Variants in PDE3A observed in about 807,000 individuals in gnomAD.
PDE3A encodes cGMP-inhibited 3',5'-cyclic phosphodiesterase 3A.
PDE3A carries 43 observed loss-of-function variants against 98.3 expected under a neutral mutation model. The observed-to-expected ratio is 0.44, with a 90% CI of 0.34 to 0.56. The LOEUF (loss-of-function observed/expected upper bound fraction) is 0.56. Ranked by LOEUF, PDE3A falls within the 20% of genes least tolerant of loss-of-function variation. PDE3A has a pLI of 0.01. For synonymous variants in PDE3A, 663 were observed against 567.9 expected (o/e 1.17, Z -2.38); for missense variants, 1,427 against 1,440.7 (o/e 0.99, Z 0.15).
chr12:20,542,590 T>C (rs1282269780), intron 1 of PDE3A, among the ~76,000 whole-genome samples: 2 of 152,052 alleles, frequency 1.3e-5, no homozygotes, highest in African/African-American at 2.4e-5. Context: ...GTCTGAGAAA[T>C]TGTATGTTGT....
chr12:20,504,464 T>C (rs545449939), intron 1 of PDE3A, among the ~76,000 whole-genome samples: 2 of 152,264 alleles, frequency 1.3e-5, no homozygotes, highest in African/African-American at 2.4e-5. Flanking sequence ...CTATTACAAA[T>C]TACTGTAAAC....
At chr12:20,532,510 A>G (rs1223723689) in intron 1 of PDE3A, among the ~76,000 whole-genome samples, 4 of 152,186 alleles carry the variant, frequency 2.6e-5, no homozygotes, top group African/African-American at 7.2e-5. Context: ...CCATTTACCA[A>G]TCAGTCTGAG....
At chr12:20,390,065 G>A (rs1252713386) in intron 1 of PDE3A, among the ~76,000 whole-genome samples, 1 of 151,904 alleles carries the variant, frequency 6.6e-6, no homozygotes, top group Non-Finnish European at 1.5e-5. Flanking sequence ...CATCAGGTGT[G>A]GAGTGCATAC....
chr12:20,588,172 A>T (rs1306916137), intron 2 of PDE3A, among the ~76,000 whole-genome samples: 3 of 152,170 alleles, frequency 2.0e-5, no homozygotes, highest in African/African-American at 7.2e-5. Flanking sequence ...ACGTCAACGA[A>T]ATTGCCAGAT....
rs541683329 is a variant in PDE3A, at chr12:20,687,838, A to G, written c.*7567A>G. On this transcript the variant is annotated 3_prime_UTR_variant, in exon 16 of 16. Transcript: ENST00000359062. ...GGTTTTGGTTGGTTTGAATAATTTG[A>G]TTTGCATTTTGGTATTAAAATGTGC... 1.3e-3 allele frequency among the ~76,000 whole-genome samples: 166 copies of G among 132,330 alleles called. No homozygotes were observed. The highest frequency in any genetic ancestry group is 4.6e-3 in the African/African-American group (164 of 35,458). 86.8% of individuals were successfully genotyped at this position (132,330 alleles called of 152,430 possible). A position where few individuals can be genotyped will look rare whatever the true frequency, so the allele number is the denominator to read the frequency against.
At chr12:20,595,533 A>T (rs1273162812) in intron 2 of PDE3A, among the ~76,000 whole-genome samples, 2 of 152,198 alleles carry the variant, frequency 1.3e-5, no homozygotes, top group East Asian at 3.9e-4. Flanking sequence ...AAATTTAATG[A>T]GGCTGTCAAT....
At chr12:20,551,718 C>T in intron 1 of PDE3A, 7 of 1,613,690 alleles carry the variant, frequency 4.3e-6, no homozygotes, top group South Asian at 1.1e-5. Flanking sequence ...GCCCTGAGTG[C>T]CGGAATGATG....
At chr12:20,386,489 G>GT (rs752470952) in intron 1 of PDE3A, among the ~76,000 whole-genome samples, 4 of 150,522 alleles carry the variant, frequency 2.7e-5, no homozygotes, top group African/African-American at 9.8e-5. Flanking sequence ...GGGGTTGTTT[G>GT]TTTTTTTCTT....
At chr12:20,580,571 A>ATCATAGC (rs1943038994) in intron 2 of PDE3A, among the ~76,000 whole-genome samples, 2 of 152,214 alleles carry the variant, frequency 1.3e-5, no homozygotes, top group African/African-American at 4.8e-5. Context: ...GCATTTAGTC[A>ATCATAGC]AATTAGGACT....
intron 1 of PDE3A, among the ~76,000 whole-genome samples, chr12:20,427,241 C>T (rs942055508): frequency 5.3e-5 from 8 of 152,194 alleles, no homozygotes; most frequent in Admixed American, 2.6e-4. Flanking sequence ...GGTGTTTGTC[C>T]GTGAACTCTC....
chr12:20,663,045 C>T (rs938328547), intron 15 of PDE3A, among the ~76,000 whole-genome samples: 3 of 152,196 alleles, frequency 2.0e-5, no homozygotes, highest in African/African-American at 7.2e-5. Context: ...TCAGCCATGG[C>T]AGAAAGGGGC....
intron 1 of PDE3A, among the ~76,000 whole-genome samples, chr12:20,437,481 A>G (rs1412791146): frequency 6.6e-6 from 1 of 152,170 alleles, no homozygotes; most frequent in Non-Finnish European, 1.5e-5. Context: ...ACGGTTCTGC[A>G]GACTGGGCAA....
intron 1 of PDE3A, among the ~76,000 whole-genome samples, chr12:20,541,982 C>G (rs1941924511): frequency 6.6e-6 from 1 of 152,044 alleles, no homozygotes; most frequent in Non-Finnish European, 1.5e-5. Flanking sequence ...ATTTTTGGCA[C>G]AAATCGGCTT....
intron 15 of PDE3A, among the ~76,000 whole-genome samples, chr12:20,667,370 C>T (rs887965523): frequency 2.0e-5 from 3 of 152,126 alleles, no homozygotes; most frequent in East Asian, 1.9e-4. Context: ...TCCTATAGAA[C>T]TTCCCTTATG....
At chr12:20,669,820 T>C (rs1172771757) in intron 15 of PDE3A, among the ~76,000 whole-genome samples, 1 of 151,650 alleles carries the variant, frequency 6.6e-6, no homozygotes, top group Non-Finnish European at 1.5e-5. Flanking sequence ...GCTAACATCA[T>C]AATGACAGGA....
At chr12:20,561,085 AC>A (rs2121284482) in intron 2 of PDE3A, among the ~76,000 whole-genome samples, 1 of 129,822 alleles carries the variant, frequency 7.7e-6, no homozygotes, top group East Asian at 1.9e-4. Context: ...AGATGGTGAA[AC>A]CCCACTTCTA....
intron 1 of PDE3A, among the ~76,000 whole-genome samples, chr12:20,489,939 C>A (rs1945801185): frequency 6.6e-6 from 1 of 152,164 alleles, no homozygotes; most frequent in South Asian, 2.1e-4. Flanking sequence ...TCACTGCTGG[C>A]AGTCATTCAT....
intron 1 of PDE3A, among the ~76,000 whole-genome samples, chr12:20,401,398 G>C (rs940993736): frequency 1.3e-5 from 2 of 152,076 alleles, no homozygotes; most frequent in African/African-American, 4.8e-5. Context: ...ATACCTCCTT[G>C]TTTGGGATTC....
chr12:20,379,359 G>C (rs763711399), intron 1 of PDE3A, among the ~76,000 whole-genome samples: 1 of 151,764 alleles, frequency 6.6e-6, no homozygotes, highest in Non-Finnish European at 1.5e-5. Context: ...CCTTGTTTGG[G>C]AGTTATTATT....
Sources: gnomAD v4.1 joint callset for allele counts (sites outside exome capture counted in the v4.1 genomes callset) on GRCh38, gnomAD v4.1.1 for gene constraint, MANE v1.5 for transcripts, NCBI Gene and HGNC (gene_info 2026-07-23, HGNC 2026-07-21) for gene names.